The following PTPRD variants were observed in gnomAD, a reference collection of about 807,000 sequenced individuals.
PTPRD encodes the protein protein tyrosine phosphatase receptor type D.
Under a neutral mutation model 214.5 loss-of-function variants are expected in PTPRD, and 34 were observed. The ratio of observed to expected loss-of-function variants is 0.16; its 90% CI spans 0.12 to 0.21. The LOEUF (loss-of-function observed/expected upper bound fraction) is 0.21. PTPRD is among the 10% of genes least tolerant of loss of function. PTPRD has a pLI of 1.00. For missense variants in PTPRD, 2,545 were observed against 2,398.7 expected, an observed-to-expected ratio of 1.06 and a Z score of -1.27; for synonymous variants, 1,128 against 845.7, an observed-to-expected ratio of 1.33 and a Z score of -5.79.
chr9:8,406,158 G>T (rs2092955713), intron 35 of PTPRD, among the ~76,000 whole-genome samples: 2 of 152,022 alleles, frequency 1.3e-5, no homozygotes, highest in African/African-American at 4.8e-5. Context: ...ATAATTAAGG[G>T]ACTTTCTAGT....
intron 11 of PTPRD, among the ~76,000 whole-genome samples, chr9:8,929,029 T>A (rs1468315439): frequency 6.6e-6 from 1 of 152,120 alleles, no homozygotes; most frequent in South Asian, 2.1e-4. Context: ...ATTTTTTGCA[T>A]GTTGATTTTG....
intron 3 of PTPRD, among the ~76,000 whole-genome samples, chr9:10,097,146 T>C (rs2098498636): frequency 6.9e-6 from 1 of 144,476 alleles, no homozygotes; most frequent in African/African-American, 2.5e-5. Context: ...TGTAGCCTTG[T>C]AGTATAGTTT....
At chr9:9,237,631 C>T (rs1186672032) in intron 9 of PTPRD, among the ~76,000 whole-genome samples, 1 of 152,118 alleles carries the variant, frequency 6.6e-6, no homozygotes, top group Non-Finnish European at 1.5e-5. Flanking sequence ...AAGAGATTTG[C>T]AATAATTTTT....
At chr9:8,551,969 A>T (rs961189208) in intron 14 of PTPRD, among the ~76,000 whole-genome samples, 9 of 152,222 alleles carry the variant, frequency 5.9e-5, no homozygotes, top group African/African-American at 2.2e-4. Context: ...ATTTGAGTAC[A>T]ACTTTTCTGG....
At chr9:8,652,069 C>A (rs564904967) in intron 12 of PTPRD, among the ~76,000 whole-genome samples, 1 of 152,310 alleles carries the variant, frequency 6.6e-6, no homozygotes, top group East Asian at 1.9e-4. Flanking sequence ...ACAGTAAGGA[C>A]CTTTATTTGC....
At chr9:8,667,318 A>G (rs528006465) in intron 12 of PTPRD, among the ~76,000 whole-genome samples, 6 of 152,302 alleles carry the variant, frequency 3.9e-5, no homozygotes, top group African/African-American at 1.2e-4. Flanking sequence ...CAGCCTGGGC[A>G]ACAAGAGCAA....
intron 9 of PTPRD, among the ~76,000 whole-genome samples, chr9:9,319,953 G>A (rs1965583621): frequency 6.6e-6 from 1 of 151,938 alleles, no homozygotes; most frequent in African/African-American, 2.4e-5. Context: ...AAATAGTAGT[G>A]GCATTTTCAC....
intron 2 of PTPRD, among the ~76,000 whole-genome samples, chr9:10,353,241 T>C (rs749128064): frequency 2.6e-5 from 4 of 151,982 alleles, no homozygotes; most frequent in Non-Finnish European, 5.9e-5. Context: ...ATATTAATGG[T>C]GTTGAGGTAG....
At chr9:9,059,683 A>G (rs918389420) in intron 10 of PTPRD, among the ~76,000 whole-genome samples, 3 of 152,080 alleles carry the variant, frequency 2.0e-5, no homozygotes, top group African/African-American at 7.2e-5. Flanking sequence ...AAGAATATAT[A>G]ATTTTGTATA....
At chr9:9,374,603 GC>G (rs1338450068) in intron 9 of PTPRD, among the ~76,000 whole-genome samples, 3 of 152,132 alleles carry the variant, frequency 2.0e-5, no homozygotes, top group Admixed American at 2.0e-4. Context: ...GTCTTAGAAG[GC>G]CTTAATGTAA....
intron 11 of PTPRD, among the ~76,000 whole-genome samples, chr9:8,758,767 T>C (rs1052839297): frequency 6.6e-6 from 1 of 152,120 alleles, no homozygotes; most frequent in Non-Finnish European, 1.5e-5. Flanking sequence ...TAACCTTTTT[T>C]TTTTTTTTGA....
chr9:9,255,144 A>G (rs1008291702), intron 9 of PTPRD, among the ~76,000 whole-genome samples: 5 of 152,114 alleles, frequency 3.3e-5, no homozygotes, highest in African/African-American at 1.2e-4. Flanking sequence ...ACCCAGAAGA[A>G]AAACAATGAA....
chr9:9,557,761 G>A (rs2081898466), intron 8 of PTPRD, among the ~76,000 whole-genome samples: 1 of 152,132 alleles, frequency 6.6e-6, no homozygotes, highest in South Asian at 2.1e-4. Flanking sequence ...TGATCTGGAA[G>A]CCCCCTTCAA....
chr9:10,136,004 T>C (rs2098940326), intron 3 of PTPRD, among the ~76,000 whole-genome samples: 1 of 148,184 alleles, frequency 6.7e-6, no homozygotes, highest in Non-Finnish European at 1.5e-5. Context: ...TCATATGTAA[T>C]GACACCCACA....
chr9:9,008,333 C>T (rs2099491202), intron 11 of PTPRD, among the ~76,000 whole-genome samples: 1 of 151,522 alleles, frequency 6.6e-6, no homozygotes, highest in Non-Finnish European at 1.5e-5. Flanking sequence ...GTTCATGTCA[C>T]TCTCCTGCCT....
intron 2 of PTPRD, among the ~76,000 whole-genome samples, chr9:10,367,771 G>A (rs1300403694): frequency 6.6e-6 from 1 of 151,992 alleles, no homozygotes; most frequent in African/African-American, 2.4e-5. Flanking sequence ...GTCAAGAAAG[G>A]CAAAATGGGA....
At chr9:10,202,619 G>A (rs1474936300) in intron 3 of PTPRD, among the ~76,000 whole-genome samples, 1 of 146,596 alleles carries the variant, frequency 6.8e-6, no homozygotes, top group Non-Finnish European at 1.5e-5. Context: ...GCTGACTTGA[G>A]GGGTGCTTCA....
chr9:10,407,391 T>A (rs1363670257), intron 2 of PTPRD, among the ~76,000 whole-genome samples: 1 of 151,552 alleles, frequency 6.6e-6, no homozygotes, highest in Non-Finnish European at 1.5e-5. Context: ...AATTCTTATG[T>A]TGAGTTTCAT....
intron 2 of PTPRD, among the ~76,000 whole-genome samples, chr9:10,368,145 G>A (rs545633401): frequency 2.0e-5 from 3 of 152,164 alleles, no homozygotes; most frequent in East Asian, 3.9e-4. Context: ...ACACATATTG[G>A]TAAGTTGTCT....
Sources: gnomAD v4.1 joint callset for allele counts (sites outside exome capture counted in the v4.1 genomes callset) on GRCh38, gnomAD v4.1.1 for gene constraint, MANE v1.5 for transcripts, NCBI Gene and HGNC (gene_info 2026-07-23, HGNC 2026-07-21) for gene names.